The following SLC24A2 variants were observed in gnomAD, a reference collection of about 807,000 sequenced individuals.
The protein encoded by SLC24A2 is solute carrier family 24 member 2.
A neutral mutation model predicts 62.0 loss-of-function variants in SLC24A2; 36 were observed. The ratio of observed to expected loss-of-function variants is 0.58; its 90% CI spans 0.44 to 0.77. SLC24A2 has a LOEUF of 0.77. Ranked by LOEUF, SLC24A2 falls within the 30% of genes least tolerant of loss-of-function variation. SLC24A2 has a pLI of 0.00. For synonymous variants in SLC24A2, 358 were observed against 294.0 expected (o/e 1.22, Z -2.23); for missense variants, 846 against 817.9 (o/e 1.03, Z -0.42).
At chr9:20,181,796 A>C in the SLC24A2 span, among the ~76,000 whole-genome samples, 2 of 152,238 alleles carry the variant, frequency 1.3e-5, no homozygotes, top group African/African-American at 4.8e-5. Flanking sequence ...GGATCTAATT[A>C]AATTAAAGAG....
At chr9:20,177,185 A>T in the SLC24A2 span, among the ~76,000 whole-genome samples, 1 of 152,124 alleles carries the variant, frequency 6.6e-6, no homozygotes, top group African/African-American at 2.4e-5. Context: ...TTTGTTAAAT[A>T]TCTGTTTGTC....
the SLC24A2 span, among the ~76,000 whole-genome samples, chr9:20,236,472 T>C: frequency 6.6e-6 from 1 of 152,224 alleles, no homozygotes; most frequent in Non-Finnish European, 1.5e-5. Context: ...TTGTATTGGC[T>C]AGAAGCTGTG....
intron 10 of SLC24A2, among the ~76,000 whole-genome samples, chr9:19,517,073 T>G (rs1832968217): frequency 6.6e-6 from 1 of 152,232 alleles, no homozygotes. Flanking sequence ...TTATACCTGT[T>G]TTCTCCCTTT....
chr9:19,599,771 C>G lies in SLC24A2; in HGVS notation c.1079-2492G>C, dbSNP rs1358186858. On this transcript the variant is annotated intron_variant, in intron 4 of 10. Coordinates refer to ENST00000341998, the MANE Select transcript of SLC24A2 (RefSeq NM_020344.4). This position sits in a 1 kb window ranked among gnomAD's most constrained non-coding sequence, Gnocchi z 4.5. ...ATGCACTTGGCTGGGGTCCTACAGC[C>G]CATGATGCCTCCTGGAACGTACCCT... Among the ~76,000 whole-genome samples, 3 of 152,146 alleles carry G rather than the reference C, an allele frequency of 2.0e-5. No individual in the cohort carries two copies. Among genetic ancestry groups the G allele is most frequent in the African/African-American group, 7.2e-5 (3 of 41,440 alleles).
At chr9:19,648,316 AAGTC>A (rs765733292) in intron 2 of SLC24A2, among the ~76,000 whole-genome samples, 8 of 152,198 alleles carry the variant, frequency 5.3e-5, no homozygotes, top group Non-Finnish European at 1.0e-4. Flanking sequence ...ACAGTTCAAA[AAGTC>A]AGATTAAATG....
the SLC24A2 span, among the ~76,000 whole-genome samples, chr9:19,836,905 G>A: frequency 2.0e-5 from 3 of 152,154 alleles, no homozygotes; most frequent in Non-Finnish European, 4.4e-5. Context: ...TCATCCATGG[G>A]ATGCAAGCCT....
intron 2 of SLC24A2, among the ~76,000 whole-genome samples, chr9:19,683,221 C>T (rs1280459250): frequency 1.3e-5 from 2 of 152,076 alleles, no homozygotes; most frequent in Non-Finnish European, 2.9e-5. Flanking sequence ...AAAGCAAATC[C>T]CCCACAGGCA....
chr9:19,893,024 A>G, the SLC24A2 span, among the ~76,000 whole-genome samples: 3 of 152,122 alleles, frequency 2.0e-5, no homozygotes. Flanking sequence ...TCTAGAGAAA[A>G]ATCCTCTCCA....
the SLC24A2 span, among the ~76,000 whole-genome samples, chr9:19,912,545 C>G: frequency 6.8e-6 from 1 of 147,022 alleles, no homozygotes; most frequent in African/African-American, 2.4e-5. Context: ...ATAAACAATT[C>G]TATCTTTTTT....
the SLC24A2 span, among the ~76,000 whole-genome samples, chr9:20,049,093 G>C: frequency 3.0e-4 from 46 of 152,232 alleles, no homozygotes; most frequent in African/African-American, 1.0e-3. Context: ...TATCATTAAA[G>C]AGCAACTATA....
the SLC24A2 span, among the ~76,000 whole-genome samples, chr9:20,178,038 T>A: frequency 6.6e-6 from 1 of 152,258 alleles, no homozygotes; most frequent in Non-Finnish European, 1.5e-5. Context: ...AATGACTGTA[T>A]CACTTACAGC....
the SLC24A2 span, among the ~76,000 whole-genome samples, chr9:19,907,709 A>C: frequency 6.6e-6 from 1 of 152,242 alleles, no homozygotes; most frequent in Non-Finnish European, 1.5e-5. Flanking sequence ...CAGAGAGCCA[A>C]ATCATGAGTG....
chr9:20,235,994 A>G, the SLC24A2 span, among the ~76,000 whole-genome samples: 1 of 152,228 alleles, frequency 6.6e-6, no homozygotes, highest in Non-Finnish European at 1.5e-5. Flanking sequence ...AACATACCAT[A>G]GTAGAAGCTC....
the SLC24A2 span, among the ~76,000 whole-genome samples, chr9:20,008,575 G>T: frequency 6.6e-6 from 1 of 152,090 alleles, no homozygotes; most frequent in Admixed American, 6.5e-5. Flanking sequence ...TCTGCTTCCT[G>T]TACTGGTGCC....
rs1328084463 is a variant in SLC24A2 at position 19,672,264 on chromosome 9, A to C, written c.931-49965T>G. Reference sequence around the variant, plus strand: ...AGAGTTTATATTTCTTCCTGGTTTAATCTAGGAGGGTTGTATATTTCCAGG... The same window carrying C: ...AGAGTTTATATTTCTTCCTGGTTTACTCTAGGAGGGTTGTATATTTCCAGG... On this transcript the variant is annotated intron_variant, in intron 2 of 10. Transcript: ENST00000341998. 1.4e-5 allele frequency among the ~76,000 whole-genome samples: 2 copies of C among 146,146 alleles called. 1 individual carries two copies. The highest frequency in any genetic ancestry group is 5.4e-5 in the African/African-American group (2 of 36,974).
At chr9:20,103,555 C>T in the SLC24A2 span, among the ~76,000 whole-genome samples, 1 of 152,308 alleles carries the variant, frequency 6.6e-6, no homozygotes, top group African/African-American at 2.4e-5. Flanking sequence ...ATCCACTGTT[C>T]TGCAGCCACC....
the SLC24A2 span, among the ~76,000 whole-genome samples, chr9:20,106,082 G>A: frequency 1.1e-4 from 17 of 152,116 alleles, no homozygotes; most frequent in Non-Finnish European, 2.1e-4. Context: ...CTACGCAAAT[G>A]AACTAGAAAA....
At chr9:19,980,283 C>T in the SLC24A2 span, among the ~76,000 whole-genome samples, 6 of 152,106 alleles carry the variant, frequency 3.9e-5, no homozygotes, top group Non-Finnish European at 8.8e-5. Flanking sequence ...CTCCAGTTAA[C>T]GCTGATAGTG....
At chr9:20,114,943 C>A in the SLC24A2 span, among the ~76,000 whole-genome samples, 1 of 152,060 alleles carries the variant, frequency 6.6e-6, no homozygotes, top group Non-Finnish European at 1.5e-5. Context: ...TATTAAAATG[C>A]AAGTGCACAG....
Sources: allele counts gnomAD v4.1 joint callset (sites outside exome capture counted in the v4.1 genomes callset), GRCh38; gene constraint gnomAD v4.1.1; non-coding constraint Gnocchi (gnomAD v3.1); transcripts MANE v1.5; gene names NCBI Gene and HGNC (gene_info 2026-07-23, HGNC 2026-07-21).